The following GRK7 variants were observed in gnomAD, a reference collection of about 807,000 sequenced individuals.
The protein encoded by GRK7 is G protein-coupled receptor kinase 7, also known as rhodopsin kinase GRK7.
GRK7 carries 24 observed loss-of-function variants against 34.1 expected under a neutral mutation model. The observed-to-expected ratio is 0.70, with a 90% confidence interval of 0.51 to 0.99. GRK7 has a LOEUF of 0.99. Among genes scored for constraint, GRK7 ranks in the 50% least tolerant of loss-of-function variants. GRK7 has a pLI of 0.00. For missense variants in GRK7, 644 were observed against 707.3 expected (o/e 0.91, Z 1.02); for synonymous variants, 256 against 279.4 (o/e 0.92, Z 0.84).
chr3:141,807,368 G>C (rs1010098582), intron 4 of GRK7, among the ~76,000 whole-genome samples: 7 of 152,104 alleles, frequency 4.6e-5, no homozygotes, highest in Non-Finnish European at 7.3e-5. Flanking sequence ...CCCACATCAG[G>C]AGCAGCTACG....
chr3:141,799,987 T>G (rs988820976), intron 4 of GRK7, among the ~76,000 whole-genome samples: 6 of 152,134 alleles, frequency 3.9e-5, no homozygotes, highest in African/African-American at 1.4e-4. Flanking sequence ...ATTGGACGGG[T>G]GCCACACAGA....
Position 141,764,395 on chromosome 3 carries a change from G to A in GRK7, c.-1558G>A, listed in dbSNP as rs1176873208. 2.6e-5 allele frequency among the ~76,000 whole-genome samples: 4 copies of A among 152,174 alleles called. No individual in the cohort carries two copies. Among genetic ancestry groups the A allele is most frequent in the Non-Finnish European group, 5.9e-5 (4 of 68,042 alleles). ...ACTTCATAGAAACTGCTCTTGTCAA[G>A]CATCTGCGTGACCTCCAAGTTGTTA... On this transcript the variant is annotated 5_prime_UTR_variant, in exon 1 of 6. Coordinates refer to ENST00000682958, the MANE Select transcript of GRK7 (RefSeq NM_139209.3).
At chr3:141,763,007 C>T (rs1192606720), upstream of GRK7, among the ~76,000 whole-genome samples, 6 of 152,234 alleles carry the variant, frequency 3.9e-5, no homozygotes, top group Admixed American at 3.9e-4. Context: ...CGCGCACCCA[C>T]TGGCCTGCGC....
Position 141,817,231 on chromosome 3 carries a change from A to G in GRK7, c.*181A>G. On this transcript the variant is annotated 3_prime_UTR_variant, in exon 6 of 6. Coordinates refer to ENST00000682958, the MANE Select transcript of GRK7 (RefSeq NM_139209.3). ...CATTTTATTTTCTTTTTCTTTCTTC[A>G]TAAAGATGAGTAAAGTCTCAGTTTT... The G allele has an allele frequency of 3.9e-6, 2 of 514,062 alleles. No individual in the cohort carries two copies. Among genetic ancestry groups the G allele is most frequent in the African/African-American group, 3.8e-5 (2 of 52,170 alleles). 31.8% of individuals were successfully genotyped at this position (514,062 alleles called of 1,614,324 possible).
chr3:141,754,759 TATTAACA>T, the GRK7 span, among the ~76,000 whole-genome samples: 1 of 152,222 alleles, frequency 6.6e-6, no homozygotes, highest in Non-Finnish European at 1.5e-5. Flanking sequence ...CCACAATTGA[TATTAACA>T]ATTAACAATT....
At chr3:141,788,693 G>A (rs546665095) in intron 4 of GRK7, among the ~76,000 whole-genome samples, 1 of 152,254 alleles carries the variant, frequency 6.6e-6, no homozygotes, top group Admixed American at 6.5e-5. Flanking sequence ...GAAGAGCATT[G>A]GCCTGGGAGG....
chr3:141,757,408 G>GT, the GRK7 span, among the ~76,000 whole-genome samples: 4 of 127,410 alleles, frequency 3.1e-5, no homozygotes, highest in African/African-American at 1.2e-4. Context: ...GCGGTGTTTG[G>GT]TTTTTTGTTC....
intron 1 of GRK7, among the ~76,000 whole-genome samples, chr3:141,773,412 G>A (rs16851768): frequency 0.016 from 2,405 of 151,670 alleles, 62 homozygotes; most frequent in African/African-American, 0.055. Flanking sequence ...CTTCTACATC[G>A]CTTAGGCCTT....
At chr3:141,789,656 C>CAAAAAAA (rs60765509) in intron 4 of GRK7, among the ~76,000 whole-genome samples, 72 of 119,222 alleles carry the variant, frequency 6.0e-4, no homozygotes, top group Middle Eastern at 4.4e-3. Context: ...GCCAAATGGG[C>CAAAAAAA]AAAAAAAAAA....
intron 4 of GRK7, among the ~76,000 whole-genome samples, chr3:141,799,851 T>G (rs953383517): frequency 6.6e-6 from 1 of 152,224 alleles, no homozygotes; most frequent in Admixed American, 6.5e-5. Flanking sequence ...TGTTTCACAA[T>G]CCTTTGTTCA....
intron 3 of GRK7, among the ~76,000 whole-genome samples, chr3:141,780,167 T>G (rs915583132): frequency 6.6e-6 from 1 of 152,198 alleles, no homozygotes; most frequent in Non-Finnish European, 1.5e-5. Flanking sequence ...CTTGATATTT[T>G]CCTGTATTTT....
At chr3:141,802,366 T>TCTCTCACACACA (rs1553737502) in intron 4 of GRK7, among the ~76,000 whole-genome samples, 1 of 145,574 alleles carries the variant, frequency 6.9e-6, no homozygotes, top group Non-Finnish European at 1.5e-5. Flanking sequence ...TCTTTCTCTG[T>TCTCTCACACACA]CACACACACA....
chr3:141,750,236 A>G, the GRK7 span, among the ~76,000 whole-genome samples: 24,730 of 152,130 alleles, frequency 0.16, 2,287 homozygotes, highest in African/African-American at 0.24. Context: ...AAGCTTTGCA[A>G]TCAACCTGCT....
At chr3:141,814,618 A>G (rs1200684568) in intron 5 of GRK7, among the ~76,000 whole-genome samples, 1 of 152,062 alleles carries the variant, frequency 6.6e-6, no homozygotes, top group East Asian at 1.9e-4. Flanking sequence ...TCTTTATTCA[A>G]TCCACCATTT....
Position 141,764,900 on chromosome 3 carries a change from C to A in GRK7, c.-1053C>A, listed in dbSNP as rs139038957. Among the ~76,000 whole-genome samples, 17 of 152,300 alleles carry A rather than the reference C, an allele frequency of 1.1e-4. No individual in the cohort carries two copies. Among genetic ancestry groups the A allele is most frequent in the African/African-American group, 3.6e-4 (15 of 41,568 alleles). ...CCAAAACCTTGGAATCACCCTTGCT[C>A]CTTTTCTGTCACACCCACAATCCAT... On this transcript the variant is annotated 5_prime_UTR_variant, in exon 1 of 6. Transcript: ENST00000682958.
intron 4 of GRK7, among the ~76,000 whole-genome samples, chr3:141,804,102 T>A (rs1710999269): frequency 6.6e-6 from 1 of 152,204 alleles, no homozygotes; most frequent in South Asian, 2.1e-4. Flanking sequence ...CTATCCATCC[T>A]CTCTATCCAT....
chr3:141,766,144 CATT>C (rs2084579658), intron 1 of GRK7, among the ~76,000 whole-genome samples: 1 of 151,408 alleles, frequency 6.6e-6, no homozygotes, highest in Non-Finnish European at 1.5e-5. Flanking sequence ...GGACATTTAA[CATT>C]TACACGCTTA....
At chr3:141,808,347 G>A (rs1489863980) in intron 5 of GRK7, among the ~76,000 whole-genome samples, 1 of 152,138 alleles carries the variant, frequency 6.6e-6, no homozygotes, top group Non-Finnish European at 1.5e-5. Context: ...AAAATCACAT[G>A]CAGCCATAAA....
chr3:141,756,334 G>GT, the GRK7 span, among the ~76,000 whole-genome samples: 6 of 131,272 alleles, frequency 4.6e-5, no homozygotes, highest in East Asian at 2.4e-4. Flanking sequence ...AAAGGTGGGG[G>GT]GGTGAAAACA....
Sources: allele counts gnomAD v4.1 joint callset (sites outside exome capture counted in the v4.1 genomes callset), GRCh38; gene constraint gnomAD v4.1.1; transcripts MANE v1.5; gene names NCBI Gene and HGNC (gene_info 2026-07-23, HGNC 2026-07-21).